FBN2: variants seen among roughly 807,000 people sequenced by gnomAD.
FBN2 encodes the protein fibrillin 2, also known as fibrillin-2.
In FBN2, 105 loss-of-function variants were observed where a neutral mutation model predicts 355.6. The observed-to-expected ratio is 0.30, with a 90% CI of 0.25 to 0.35. The LOEUF is 0.35. Ranked by LOEUF, FBN2 falls within the 10% of genes least tolerant of loss-of-function variation. The probability of loss-of-function intolerance (pLI) is 1.00; values close to 1 mark genes in which losing one functional copy is unlikely to be tolerated. For missense variants in FBN2, 3,280 were observed against 3,758.7 expected, an observed-to-expected ratio of 0.87 and a Z score of 3.33; for synonymous variants, 1,350 against 1,301.2, an observed-to-expected ratio of 1.04 and a Z score of -0.81.
intron 52 of FBN2, among the ~76,000 whole-genome samples, chr5:128,288,913 T>C (rs1164707537): frequency 6.6e-6 from 1 of 152,214 alleles, no homozygotes; most frequent in Admixed American, 6.5e-5. Context: ...AGATTTTGTA[T>C]GTTTGGTTGA....
At chr5:128,527,720 C>A in intron 4 of FBN2, 152 bp downstream of exon 4, 1 of 605,998 alleles carries the variant, frequency 1.7e-6, no homozygotes, top group South Asian at 1.9e-5. Flanking sequence ...AAAATTCTTA[C>A]AGGATAAAAA....
At chr5:128,388,023 C>T (rs1220139058) in intron 11 of FBN2, among the ~76,000 whole-genome samples, 1 of 152,140 alleles carries the variant, frequency 6.6e-6, no homozygotes, top group Non-Finnish European at 1.5e-5. Flanking sequence ...AATCTGGATG[C>T]TCCAGTGTTG....
rs772569905 is a variant in FBN2, at chr5:128,263,474, C to T, written c.8143G>A (p.Gly2715Arg). The T allele has an allele frequency of 5.0e-6, 8 of 1,614,100 alleles. No homozygotes were observed. The Admixed American group carries it at 5.0e-5, about 10-fold the overall frequency. ...GGGGGGCAGCCACAGAGGTAGCCCC[C>T]CTCCGTGTTAGAGCAGCCGTAATTG... ...PCNYGCSNTE[G>R]GYLCGCPPGY... The change falls in exon 63 of 65, where the codon GGG becomes AGG. Residue 2715 changes from glycine to arginine, a missense_variant. By Grantham distance (125) the Gly-to-Arg change is moderately radical (BLOSUM62 -2). This residue lies in a region of FBN2 where 311 missense variants were observed against 319.1 expected (regional missense o/e 0.97). Coordinates refer to ENST00000262464, the MANE Select transcript of FBN2 (RefSeq NM_001999.4).
intron 1 of FBN2, among the ~76,000 whole-genome samples, chr5:128,537,091 C>T (rs1319630821): frequency 6.6e-6 from 1 of 152,136 alleles, no homozygotes; most frequent in African/African-American, 2.4e-5. Context: ...TGCACACGCT[C>T]TGCGATCGGC....
At chr5:128,485,769 G>A (rs936206911) in intron 5 of FBN2, among the ~76,000 whole-genome samples, 2 of 152,130 alleles carry the variant, frequency 1.3e-5, no homozygotes, top group South Asian at 4.1e-4. Context: ...TTTTAAAAGA[G>A]GAAGGGAGGA....
At chr5:128,431,425 A>ACC (rs1254809354) in intron 7 of FBN2, among the ~76,000 whole-genome samples, 1 of 152,184 alleles carries the variant, frequency 6.6e-6, no homozygotes, top group Non-Finnish European at 1.5e-5. Flanking sequence ...CACGTCTTCT[A>ACC]CCCACAAATT....
At chr5:128,346,571 A>G (rs1751187050) in intron 23 of FBN2, among the ~76,000 whole-genome samples, 1 of 152,180 alleles carries the variant, frequency 6.6e-6, no homozygotes, top group African/African-American at 2.4e-5. Context: ...AATGAGTTAC[A>G]TTTCTGAGTA....
intron 3 of FBN2, among the ~76,000 whole-genome samples, chr5:128,529,877 A>G (rs939234574): frequency 6.6e-6 from 1 of 152,194 alleles, no homozygotes; most frequent in African/African-American, 2.4e-5. Context: ...TCAGAAGACA[A>G]TGGCATTTGA....
At chr5:128,369,126 T>G (rs1751860421) in intron 16 of FBN2, 56 bp downstream of exon 16, 3 of 1,569,426 alleles carry the variant, frequency 1.9e-6, no homozygotes, top group Non-Finnish European at 1.8e-6. Context: ...TGGCCAAACA[T>G]CTAAGGTTGT....
intron 34 of FBN2, among the ~76,000 whole-genome samples, chr5:128,324,869 T>C (rs1319857811): frequency 6.6e-6 from 1 of 152,196 alleles, no homozygotes; most frequent in Non-Finnish European, 1.5e-5. Context: ...TCCACCGGCC[T>C]TGGCCTCCCA....
intron 48 of FBN2, among the ~76,000 whole-genome samples, chr5:128,299,486 T>G (rs1404788221): frequency 6.7e-6 from 1 of 149,828 alleles, no homozygotes; most frequent in Non-Finnish European, 1.5e-5. Context: ...TCCATGGGCA[T>G]AGGACCCTCC....
chr5:128,388,484 C>G (rs994145418), intron 11 of FBN2, among the ~76,000 whole-genome samples: 2 of 152,172 alleles, frequency 1.3e-5, no homozygotes, highest in African/African-American at 4.8e-5. Context: ...AACAGTCTTT[C>G]ATTTCTATGT....
intron 5 of FBN2, among the ~76,000 whole-genome samples, chr5:128,483,438 C>T (rs973551687): frequency 1.3e-5 from 2 of 151,836 alleles, no homozygotes; most frequent in Non-Finnish European, 1.5e-5. Context: ...CAACAAGTTA[C>T]GGAGAGAAAC....
At chr5:128,509,525 G>A (rs1756055965) in intron 5 of FBN2, among the ~76,000 whole-genome samples, 3 of 152,040 alleles carry the variant, frequency 2.0e-5, no homozygotes. Context: ...CTTCCAGTCT[G>A]TTAATTCTAA....
intron 4 of FBN2, among the ~76,000 whole-genome samples, chr5:128,525,073 T>G (rs908224443): frequency 1.3e-5 from 2 of 152,104 alleles, no homozygotes; most frequent in African/African-American, 4.8e-5. Context: ...TGTACAACCC[T>G]CATACATACA....
chr5:128,408,555 A>T, intron 8 of FBN2, 119 bp downstream of exon 8: 1 of 1,215,952 alleles, frequency 8.2e-7, no homozygotes, highest in Non-Finnish European at 1.2e-6. Context: ...CGTTTACATT[A>T]AACAACTCAT....
chr5:128,364,743 A>G lies in FBN2; in HGVS notation c.2303-18T>C. On this transcript the variant is annotated intron_variant, in intron 17 of 64. Transcript: ENST00000262464. ...ATTGATATCTGCATTAAATATTGAA[A>G]GTTTAGTGCTATCAACAAACATGTT... 1 of 1,602,624 alleles carries G rather than the reference A, an allele frequency of 6.2e-7. No homozygotes were observed. Among genetic ancestry groups the G allele is most frequent in the Non-Finnish European group, 8.5e-7 (1 of 1,169,942 alleles).
chr5:128,438,302 C>T (rs1467069947), intron 7 of FBN2, among the ~76,000 whole-genome samples: 2 of 152,204 alleles, frequency 1.3e-5, no homozygotes, highest in African/African-American at 4.8e-5. Flanking sequence ...TACATTCACC[C>T]ATTTAAGTCT....
chr5:128,416,066 G>A (rs1753189914), intron 7 of FBN2, among the ~76,000 whole-genome samples: 1 of 143,770 alleles, frequency 7.0e-6, no homozygotes, highest in South Asian at 2.2e-4. Context: ...TGCTCTTGCT[G>A]CCCAGGCTGG....
Sources: allele counts gnomAD v4.1 joint callset (sites outside exome capture counted in the v4.1 genomes callset), GRCh38; gene constraint gnomAD v4.1.1; regional missense constraint gnomAD v4.1.1; transcripts MANE v1.5; gene names NCBI Gene and HGNC (gene_info 2026-07-23, HGNC 2026-07-21).